AQP9: variants seen among roughly 807,000 people sequenced by gnomAD.
AQP9 encodes the protein aquaporin 9, also known as aquaporin-9.
AQP9 carries 19 observed loss-of-function variants against 23.8 expected under a neutral mutation model. The ratio of observed to expected loss-of-function variants is 0.80; its 90% CI spans 0.56 to 1.17. The LOEUF (loss-of-function observed/expected upper bound fraction) is 1.17, where lower values mean the gene tolerates loss of function less well. Ranked by LOEUF, AQP9 falls within the 50% of genes most tolerant of loss-of-function variation. The pLI is 0.00. For missense variants in AQP9, 413 were observed against 362.0 expected, an observed-to-expected ratio of 1.14 and a Z score of -1.14; for synonymous variants, 153 against 131.5, an observed-to-expected ratio of 1.16 and a Z score of -1.12.
chr15:58,147,888 A>T (rs1234158400), intron 1 of AQP9, among the ~76,000 whole-genome samples: 1 of 141,940 alleles, frequency 7.0e-6, no homozygotes, highest in Non-Finnish European at 1.5e-5. Flanking sequence ...GTATAAACAC[A>T]TGCACACACA....
chr15:58,171,101 T>C (rs1379778994), intron 2 of AQP9, among the ~76,000 whole-genome samples: 1 of 151,562 alleles, frequency 6.6e-6, no homozygotes, highest in African/African-American at 2.4e-5. Context: ...ATTTTTTTTT[T>C]TTTTTGAGAC....
intron 1 of AQP9, among the ~76,000 whole-genome samples, chr15:58,160,035 T>G (rs144816028): frequency 0.017 from 2,523 of 152,342 alleles, 65 homozygotes; most frequent in African/African-American, 0.058. Flanking sequence ...GTATTGAAAC[T>G]GCTGAATCGT....
At chr15:58,145,114 T>C (rs1898021146) in intron 1 of AQP9, among the ~76,000 whole-genome samples, 1 of 152,146 alleles carries the variant, frequency 6.6e-6, no homozygotes, top group Non-Finnish European at 1.5e-5. Context: ...TCCATTTCAG[T>C]AATTTCTGCT....
intron 1 of AQP9, among the ~76,000 whole-genome samples, chr15:58,156,715 T>C (rs1174111642): frequency 6.6e-6 from 1 of 152,186 alleles, no homozygotes; most frequent in Non-Finnish European, 1.5e-5. Context: ...ACTCAGGGCC[T>C]CATTCCCCTG....
intron 1 of AQP9, among the ~76,000 whole-genome samples, chr15:58,149,614 T>C (rs955883394): frequency 1.1e-4 from 16 of 152,230 alleles, no homozygotes; most frequent in Admixed American, 5.9e-4. Context: ...ATTGGTATTA[T>C]TGTTATCTTC....
At chr15:58,156,052 T>C (rs868272584) in intron 1 of AQP9, 42 of 152,234 alleles carry the variant, frequency 2.8e-4, no homozygotes, top group African/African-American at 9.2e-4. Flanking sequence ...GAAAACAAAT[T>C]ACTCAAATGA....
At chr15:58,174,149 G>A (rs1379938327) in intron 3 of AQP9, among the ~76,000 whole-genome samples, 1 of 152,050 alleles carries the variant, frequency 6.6e-6, no homozygotes, top group Non-Finnish European at 1.5e-5. Context: ...TAAGCCAGGT[G>A]TGGTAACTCA....
At chr15:58,181,903 G>A (rs1193812287) in intron 5 of AQP9, among the ~76,000 whole-genome samples, 3 of 152,222 alleles carry the variant, frequency 2.0e-5, no homozygotes, top group South Asian at 2.1e-4. Context: ...GGCTTCCAAA[G>A]TGTTCTTAGA....
intron 4 of AQP9, among the ~76,000 whole-genome samples, chr15:58,178,641 T>A (rs952940723): frequency 2.0e-5 from 3 of 152,234 alleles, no homozygotes; most frequent in Non-Finnish European, 2.9e-5. Flanking sequence ...ACTAATGAGT[T>A]TTTACCACTG....
chr15:58,182,244 G>T (rs781650010), intron 5 of AQP9, among the ~76,000 whole-genome samples: 1 of 152,158 alleles, frequency 6.6e-6, no homozygotes, highest in South Asian at 2.1e-4. Context: ...TTTTCAAATA[G>T]TTGGCCCAAA....
Position 58,166,671 on chromosome 15 carries a change from A to G in AQP9, c.112-2A>G. Reference sequence around the variant, plus strand: ...ACCTGTTGAGTTTTCCTCTCATTCCAGGTCCTTGGATGTGGCTGTGTTGCC... The same window carrying G: ...ACCTGTTGAGTTTTCCTCTCATTCCGGGTCCTTGGATGTGGCTGTGTTGCC... On this transcript the variant is annotated splice_acceptor_variant, in intron 1 of 5. Transcript: ENST00000219919. LOFTEE classifies it high-confidence loss of function. The G allele has an allele frequency of 6.2e-7, 1 of 1,608,202 alleles. No homozygotes were observed. Among genetic ancestry groups the G allele is most frequent in the South Asian group, 1.1e-5 (1 of 90,014 alleles).
chr15:58,146,790 T>G (rs989520912), intron 1 of AQP9: 1 of 152,112 alleles, frequency 6.6e-6, no homozygotes, highest in African/African-American at 2.4e-5. Flanking sequence ...TGCTGTGGAG[T>G]GGCAAACTGA....
At chr15:58,161,393 T>TA (rs1159734154) in intron 1 of AQP9, among the ~76,000 whole-genome samples, 15 of 152,160 alleles carry the variant, frequency 9.9e-5, no homozygotes, top group Non-Finnish European at 1.8e-4. Context: ...AACCTGATAG[T>TA]AAAAAAAGCA....
intron 1 of AQP9, chr15:58,155,384 T>G (rs1898229105): frequency 1.3e-5 from 2 of 152,180 alleles, no homozygotes; most frequent in South Asian, 4.1e-4. Flanking sequence ...TTCTGAGTTT[T>G]TACACACCTA....
chr15:58,145,633 A>AT (rs1898031715), intron 1 of AQP9, among the ~76,000 whole-genome samples: 1 of 152,064 alleles, frequency 6.6e-6, no homozygotes, highest in Non-Finnish European at 1.5e-5. Flanking sequence ...TAATATTTAA[A>AT]TTTTTCCCTC....
intron 1 of AQP9, among the ~76,000 whole-genome samples, chr15:58,140,595 C>T (rs554894668): frequency 2.0e-5 from 3 of 152,248 alleles, no homozygotes; most frequent in South Asian, 2.1e-4. Flanking sequence ...AAGAAATCTA[C>T]ATGGTTTTGC....
At chr15:58,166,926 C>T (rs536094596) in intron 2 of AQP9, 127 bp downstream of exon 2, 780 of 1,239,588 alleles carry the variant, frequency 6.3e-4, no homozygotes, top group Non-Finnish European at 7.5e-4. Context: ...TGTATTGGAT[C>T]CCATTTTTAT....
chr15:58,179,192 C>G lies in AQP9; in HGVS notation c.560C>G (p.Ala187Gly), dbSNP rs17848098. The change falls in exon 5 of 6, where the codon GCC becomes GGC. Residue 187 changes from alanine to glycine, a missense_variant. Transcript: ENST00000219919. The part of the protein sequence containing the change: ...FAIFDSRNLG[A>G]PRGLEPIAIG... ...ATCTTTGACTCCAGAAACTTGGGAG[C>G]CCCCAGAGGCCTAGAGCCCATTGCC... The G allele has an allele frequency of 1.9e-6, 3 of 1,613,092 alleles. No homozygotes were observed. The highest frequency in any genetic ancestry group is 3.3e-5 in the Admixed American group (2 of 59,978).
rs1007135219 is a variant in AQP9, at chr15:58,156,344, A to G, written c.112-10329A>G. On this transcript the variant is annotated intron_variant, in intron 1 of 5. Transcript: ENST00000219919. ...CTATAATTGTTTAATCATATATAGTACATTAATACATTAAAGTACATCAAG... is the reference window on the plus strand; with the variant it reads ...CTATAATTGTTTAATCATATATAGTGCATTAATACATTAAAGTACATCAAG... Among the ~76,000 whole-genome samples, 6 of 152,336 alleles carry G rather than the reference A, an allele frequency of 3.9e-5. No homozygotes were observed. The South Asian group carries it at 1.2e-3, about 32-fold the overall frequency.
Sources: gnomAD v4.1 joint callset for allele counts (sites outside exome capture counted in the v4.1 genomes callset) on GRCh38, gnomAD v4.1.1 for gene constraint, MANE v1.5 for transcripts, NCBI Gene and HGNC (gene_info 2026-07-23, HGNC 2026-07-21) for gene names.